SMOC1: variants seen among roughly 807,000 people sequenced by gnomAD.
SMOC1 encodes the protein SPARC related modular calcium binding 1, also known as SPARC-related modular calcium-binding protein 1.
A neutral mutation model predicts 56.3 loss-of-function variants in SMOC1; 22 were observed. The observed-to-expected ratio is 0.39, with a 90% confidence interval of 0.28 to 0.56. The LOEUF (loss-of-function observed/expected upper bound fraction) is 0.56. Ranked by LOEUF, SMOC1 falls within the 20% of genes least tolerant of loss-of-function variation. The pLI, the probability that SMOC1 is intolerant of heterozygous loss-of-function variation, is 0.61. For synonymous variants in SMOC1, 193 were observed against 215.0 expected (o/e 0.90, Z 0.89); for missense variants, 509 against 565.4 (o/e 0.90, Z 1.01).
chr14:69,983,000 C>T (rs182081079), intron 5 of SMOC1, among the ~76,000 whole-genome samples: 18 of 152,314 alleles, frequency 1.2e-4, no homozygotes, highest in Admixed American at 9.8e-4. Context: ...ATACCAGCTT[C>T]GCAGAGGTCA....
chr14:69,988,751 T>A (rs1488494456), intron 5 of SMOC1, among the ~76,000 whole-genome samples: 1 of 152,214 alleles, frequency 6.6e-6, no homozygotes. Flanking sequence ...GTTTTCTGTG[T>A]CTATAGATGT....
Position 70,030,227 on chromosome 14 carries a change from C to G in SMOC1, c.1292-15C>G. On this transcript the variant is annotated splice_polypyrimidine_tract_variant and intron_variant, in intron 11 of 11. Coordinates refer to ENST00000361956, the MANE Select transcript of SMOC1 (RefSeq NM_001034852.3). ...CTTTTTTTTTTTTTTTTTGCATTCTCCTTCCTTCTCTCAGTAGGACGCCTC... is the reference window on the plus strand; with the variant it reads ...CTTTTTTTTTTTTTTTTTGCATTCTGCTTCCTTCTCTCAGTAGGACGCCTC... The G allele has an allele frequency of 6.3e-7, 1 of 1,579,488 alleles. No homozygotes were observed. The highest frequency in any genetic ancestry group is 8.6e-7 in the Non-Finnish European group (1 of 1,166,496).
At chr14:69,894,145 G>A (rs1958083) in intron 1 of SMOC1, among the ~76,000 whole-genome samples, 15,780 of 152,146 alleles carry the variant, frequency 0.1, 1,000 homozygotes, top group African/African-American at 0.18. Flanking sequence ...GACTTTTAGA[G>A]GTGGTTTGAT....
intron 1 of SMOC1, among the ~76,000 whole-genome samples, chr14:69,927,929 G>A (rs961864447): frequency 1.3e-5 from 2 of 152,108 alleles, no homozygotes; most frequent in Admixed American, 6.5e-5. Flanking sequence ...AAGCTAAGAG[G>A]GACCCCTTGA....
In SMOC1 at chr14:70,013,442, A is replaced by G; in HGVS notation, c.997A>G (p.Thr333Ala). 6.2e-7 allele frequency: 1 copy of G among 1,614,182 alleles called. No individual in the cohort carries two copies. The highest frequency in any genetic ancestry group is 8.5e-7 in the Non-Finnish European group (1 of 1,180,026). ...FITSLLDALT[T>A]DMVQAINSAA... Reference sequence around the variant, plus strand: ...CACCAGCCTACTGGATGCTCTCACCACTGACATGGTTCAGGCCATTAACTC... The same window carrying G: ...CACCAGCCTACTGGATGCTCTCACCGCTGACATGGTTCAGGCCATTAACTC... Residue 333 changes from threonine to alanine, a missense_variant, in exon 10 of 12, where the codon ACT (threonine) becomes GCT (alanine). By Grantham distance (58) the Thr-to-Ala change is moderately conservative. Transcript: ENST00000361956.
intron 7 of SMOC1, among the ~76,000 whole-genome samples, chr14:70,004,810 C>T (rs370296374): frequency 5.0e-4 from 76 of 152,334 alleles, no homozygotes; most frequent in African/African-American, 1.6e-3. Flanking sequence ...CATACATATA[C>T]GCCTGTCTCT....
chr14:69,900,523 G>A (rs76274610), intron 1 of SMOC1, among the ~76,000 whole-genome samples: 3,090 of 152,182 alleles, frequency 0.02, 113 homozygotes, highest in African/African-American at 0.071. Flanking sequence ...ACTTTTCTAA[G>A]CCCCTTTGCA....
intron 4 of SMOC1, 134 bp from the exon 5 acceptor site, chr14:69,977,784 A>G: frequency 1.3e-6 from 1 of 752,702 alleles, no homozygotes; most frequent in Non-Finnish European, 2.4e-6. Context: ...ATTGTATATA[A>G]TATCCTTAGA....
intron 5 of SMOC1, among the ~76,000 whole-genome samples, chr14:69,986,833 G>T (rs1333371404): frequency 6.6e-6 from 1 of 152,188 alleles, no homozygotes; most frequent in Non-Finnish European, 1.5e-5. Context: ...GAACATGCAG[G>T]TAGGTATACG....
intron 6 of SMOC1, among the ~76,000 whole-genome samples, chr14:69,992,763 C>T (rs137869476): frequency 6.8e-4 from 103 of 152,248 alleles, no homozygotes; most frequent in African/African-American, 2.4e-3. Context: ...CTGCCAAGAC[C>T]CAGGAATCAC....
At chr14:70,022,374 G>C (rs1885757358) in intron 10 of SMOC1, among the ~76,000 whole-genome samples, 1 of 152,154 alleles carries the variant, frequency 6.6e-6, no homozygotes, top group East Asian at 1.9e-4. Flanking sequence ...ATGTGCTTGT[G>C]ACTCTGCCTC....
At chr14:69,979,752 G>A (rs1403896917) in intron 5 of SMOC1, among the ~76,000 whole-genome samples, 1 of 152,122 alleles carries the variant, frequency 6.6e-6, no homozygotes, top group Non-Finnish European at 1.5e-5. Flanking sequence ...GGCATGCACT[G>A]CTTTTAGTTT....
intron 1 of SMOC1, among the ~76,000 whole-genome samples, chr14:69,917,526 C>T (rs1378150922): frequency 1.3e-5 from 2 of 152,202 alleles, no homozygotes; most frequent in Non-Finnish European, 2.9e-5. Context: ...AATAAACATA[C>T]AGTGTGATGG....
At chr14:70,028,449 A>G (rs1401826826) in intron 11 of SMOC1, among the ~76,000 whole-genome samples, 1 of 152,108 alleles carries the variant, frequency 6.6e-6, no homozygotes, top group Non-Finnish European at 1.5e-5. Context: ...GGGTTACTTG[A>G]TATCTCCAAG....
At chr14:69,939,864 T>C (rs1882482487) in intron 1 of SMOC1, among the ~76,000 whole-genome samples, 1 of 152,212 alleles carries the variant, frequency 6.6e-6, no homozygotes, top group South Asian at 2.1e-4. Flanking sequence ...GTGCTGGCTG[T>C]GCCCATGGTG....
intron 5 of SMOC1, among the ~76,000 whole-genome samples, chr14:69,987,957 G>A (rs186293527): frequency 4.1e-4 from 63 of 152,316 alleles, no homozygotes; most frequent in African/African-American, 1.4e-3. Flanking sequence ...GGGAATCTCC[G>A]GAGGCCAAAT....
intron 1 of SMOC1, among the ~76,000 whole-genome samples, chr14:69,923,690 C>G (rs227430): frequency 0.78 from 118,504 of 152,198 alleles, 46,994 homozygotes; most frequent in East Asian, 0.98. Flanking sequence ...ATGACCTGCT[C>G]TCGATTTGAC....
chr14:69,956,930 C>T (rs1357651763), intron 3 of SMOC1, among the ~76,000 whole-genome samples: 1 of 152,138 alleles, frequency 6.6e-6, no homozygotes, highest in Non-Finnish European at 1.5e-5. Context: ...GCTCCCCAGG[C>T]GATGCCAATG....
chr14:69,945,262 A>T (rs1343515812), intron 1 of SMOC1, among the ~76,000 whole-genome samples: 3 of 152,230 alleles, frequency 2.0e-5, no homozygotes, highest in African/African-American at 7.2e-5. Flanking sequence ...GAGGGTTTTG[A>T]TAGAAGTATA....
Sources: allele counts gnomAD v4.1 joint callset (sites outside exome capture counted in the v4.1 genomes callset), GRCh38; gene constraint gnomAD v4.1.1; transcripts MANE v1.5; gene names NCBI Gene and HGNC (gene_info 2026-07-23, HGNC 2026-07-21).